The following TUSC3 variants were observed in gnomAD, a reference collection of about 807,000 sequenced individuals.
TUSC3 encodes the protein tumor suppressor candidate 3, also known as dolichyl-diphosphooligosaccharide--protein glycosyltransferase subunit TUSC3.
TUSC3 carries 45 observed loss-of-function variants against 44.8 expected under a neutral mutation model. The observed-to-expected ratio is 1.00, with a 90% confidence interval of 0.79 to 1.29. The LOEUF (loss-of-function observed/expected upper bound fraction) is 1.29. Ranked by LOEUF, TUSC3 falls within the 50% of genes most tolerant of loss-of-function variation. The pLI, the probability that TUSC3 is intolerant of heterozygous loss-of-function variation, is 0.00. For missense variants in TUSC3, 519 were observed against 437.9 expected, an observed-to-expected ratio of 1.19 and a Z score of -1.65; for synonymous variants, 212 against 152.9, an observed-to-expected ratio of 1.39 and a Z score of -2.85.
At chr8:15,529,015 C>T (rs182028111) in intron 2 of TUSC3, among the ~76,000 whole-genome samples, 69 of 152,272 alleles carry the variant, frequency 4.5e-4, no homozygotes, top group Middle Eastern at 3.4e-3. Context: ...TTTCTTAGCC[C>T]TACCACCTAC....
At chr8:15,769,527 T>C (rs35929210), downstream of TUSC3, among the ~76,000 whole-genome samples, 4,984 of 152,228 alleles carry the variant, frequency 0.033, 85 homozygotes, top group East Asian at 0.051. Flanking sequence ...GGACAAAGAC[T>C]TCATGACTAA....
At chr8:15,592,793 AAGCCTTACAACAAACAT>A (rs1355996730) in intron 1 of TUSC3, among the ~76,000 whole-genome samples, 2 of 152,224 alleles carry the variant, frequency 1.3e-5, no homozygotes, top group African/African-American at 4.8e-5. Context: ...GTAGTAACTC[AAGCCTTACAACAAACAT>A]GTGATACAGG....
intron 1 of TUSC3, among the ~76,000 whole-genome samples, chr8:15,479,564 T>C (rs189123838): frequency 1.1e-3 from 166 of 152,324 alleles, no homozygotes; most frequent in Non-Finnish European, 1.8e-3. Flanking sequence ...TGCTTATTTT[T>C]GTAAGGTTTG....
chr8:15,434,731 T>A (rs1053599241), intron 1 of TUSC3, among the ~76,000 whole-genome samples: 15 of 151,660 alleles, frequency 9.9e-5, no homozygotes, highest in African/African-American at 3.1e-4. Context: ...TTCCCCTTGC[T>A]GTGTCCGTGT....
At chr8:15,507,234 A>G (rs1801069069) in intron 2 of TUSC3, among the ~76,000 whole-genome samples, 1 of 152,154 alleles carries the variant, frequency 6.6e-6, no homozygotes, top group African/African-American at 2.4e-5. Flanking sequence ...TTGTTCCTGT[A>G]TTTTACATTT....
the TUSC3 span, among the ~76,000 whole-genome samples, chr8:15,820,717 T>G: frequency 0.34 from 51,326 of 152,148 alleles, 11,086 homozygotes; most frequent in Non-Finnish European, 0.48. Flanking sequence ...CTTCCTATTT[T>G]CTGAAAAATT....
In TUSC3 at chr8:15,540,414, G is replaced by C; in HGVS notation, c.-17G>C. On this transcript the variant is annotated 5_prime_UTR_variant, in exon 1 of 11. Transcript: ENST00000503731. ...GCGCACGGCTACCGCGCGTGGAGGA[G>C]ACACTGCCCTGCCGCGATGGGGGCC... 1 of 1,564,502 alleles carries C rather than the reference G, an allele frequency of 6.4e-7. No homozygotes were observed. The highest frequency in any genetic ancestry group is 8.6e-7 in the Non-Finnish European group (1 of 1,156,714).
At chr8:15,553,713 A>G (rs1162551832) in intron 1 of TUSC3, among the ~76,000 whole-genome samples, 1 of 151,726 alleles carries the variant, frequency 6.6e-6, no homozygotes, top group Admixed American at 6.6e-5. Context: ...GAGGCAGCCA[A>G]CACTTCTTCT....
the TUSC3 span, among the ~76,000 whole-genome samples, chr8:15,777,524 G>A: frequency 6.6e-6 from 1 of 151,602 alleles, no homozygotes; most frequent in Non-Finnish European, 1.5e-5. Context: ...ATTTAAGTAG[G>A]TAAGACAAGA....
intron 1 of TUSC3, among the ~76,000 whole-genome samples, chr8:15,575,408 A>G (rs1803058504): frequency 6.6e-6 from 1 of 152,172 alleles, no homozygotes; most frequent in Non-Finnish European, 1.5e-5. Flanking sequence ...TAAACTAAAT[A>G]TCTAACATAT....
chr8:15,438,118 C>A (rs560455358), intron 1 of TUSC3, among the ~76,000 whole-genome samples: 1 of 151,972 alleles, frequency 6.6e-6, no homozygotes, highest in Non-Finnish European at 1.5e-5. Context: ...TTTTTTGAGA[C>A]GGAGTTTCAC....
chr8:15,531,090 T>G (rs1801442610), intron 2 of TUSC3, among the ~76,000 whole-genome samples: 1 of 152,132 alleles, frequency 6.6e-6, no homozygotes, highest in African/African-American at 2.4e-5. Flanking sequence ...CCGCTGTGCA[T>G]GCGGGCAGCT....
intron 1 of TUSC3, among the ~76,000 whole-genome samples, chr8:15,566,238 C>G (rs147122668): frequency 8.5e-5 from 13 of 152,174 alleles, no homozygotes; most frequent in African/African-American, 3.1e-4. Context: ...AATTCAGAAG[C>G]CATTCTTTAG....
At chr8:15,794,499 T>A in the TUSC3 span, among the ~76,000 whole-genome samples, 1 of 152,196 alleles carries the variant, frequency 6.6e-6, no homozygotes, top group Admixed American at 6.5e-5. Flanking sequence ...CTACTTGCAA[T>A]CCGGCAACTT....
chr8:15,796,444 A>T, the TUSC3 span, among the ~76,000 whole-genome samples: 2 of 152,200 alleles, frequency 1.3e-5, no homozygotes, highest in African/African-American at 4.8e-5. Flanking sequence ...TAAAAATGTA[A>T]CAAAGTTCAC....
the TUSC3 span, among the ~76,000 whole-genome samples, chr8:15,810,920 G>A: frequency 4.6e-5 from 7 of 152,244 alleles, no homozygotes; most frequent in South Asian, 1.0e-3. Flanking sequence ...CACCAGGGAA[G>A]CAGGGCCCAT....
At chr8:15,550,563 C>G (rs774308895) in intron 1 of TUSC3, among the ~76,000 whole-genome samples, 3 of 151,730 alleles carry the variant, frequency 2.0e-5, no homozygotes, top group East Asian at 1.9e-4. Context: ...AGGGTCTTAC[C>G]CTCCTACCCT....
intron 1 of TUSC3, among the ~76,000 whole-genome samples, chr8:15,571,539 C>G (rs1802878461): frequency 6.6e-6 from 1 of 152,050 alleles, no homozygotes. Context: ...GAGTTATAAT[C>G]CTTTTGCTGG....
intron 2 of TUSC3, among the ~76,000 whole-genome samples, chr8:15,494,788 T>C (rs1800857774): frequency 1.3e-5 from 2 of 152,212 alleles, no homozygotes. Flanking sequence ...AATGCAGCCC[T>C]GCAACAAAAA....
Sources: allele counts gnomAD v4.1 joint callset (sites outside exome capture counted in the v4.1 genomes callset), GRCh38; gene constraint gnomAD v4.1.1; transcripts MANE v1.5; gene names NCBI Gene and HGNC (gene_info 2026-07-23, HGNC 2026-07-21).